The following DNTTIP1 variants were observed in gnomAD, a reference collection of about 807,000 sequenced individuals.
DNTTIP1 encodes deoxynucleotidyltransferase terminal interacting protein 1.
Under a neutral mutation model 52.9 loss-of-function variants are expected in DNTTIP1, and 22 were observed. That is an observed-to-expected ratio of 0.42 (90% CI 0.30 to 0.59). The LOEUF is 0.59. DNTTIP1 is among the 20% of genes least tolerant of loss of function. DNTTIP1 has a pLI of 0.22. For synonymous variants in DNTTIP1, 136 were observed against 155.1 expected, an observed-to-expected ratio of 0.88 and a Z score of 0.92; for missense variants, 286 against 435.5, an observed-to-expected ratio of 0.66 and a Z score of 3.06.
At chr20:45,802,184 G>C (rs1981497522) in intron 7 of DNTTIP1, 127 bp downstream of exon 7, 1 of 1,033,176 alleles carries the variant, frequency 9.7e-7, no homozygotes, top group Non-Finnish European at 1.5e-6. Flanking sequence ...ATCGTGGAGG[G>C]GGGTTATCCT....
chr20:45,802,792 T>C (rs1981517429), intron 7 of DNTTIP1, among the ~76,000 whole-genome samples: 1 of 151,986 alleles, frequency 6.6e-6, no homozygotes, highest in African/African-American at 2.4e-5. Context: ...CTCTGTGTTC[T>C]GCCTGTTCAT....
intron 4 of DNTTIP1, among the ~76,000 whole-genome samples, chr20:45,796,861 A>G (rs1293149357): frequency 6.6e-6 from 1 of 152,032 alleles, no homozygotes; most frequent in African/African-American, 2.4e-5. Flanking sequence ...ACAATGGATC[A>G]TTTCGCGTTT....
intron 8 of DNTTIP1, among the ~76,000 whole-genome samples, chr20:45,803,867 G>A (rs988255529): frequency 1.3e-5 from 2 of 152,172 alleles, no homozygotes; most frequent in Admixed American, 1.3e-4. Context: ...ATCGAGCTGA[G>A]TCTCAAACCC....
At chr20:45,811,030 A>G (rs367677522) in intron 12 of DNTTIP1, 27 bp from the exon 13 acceptor site, 134 of 1,612,986 alleles carry the variant, frequency 8.3e-5, no homozygotes, top group Non-Finnish European at 1.0e-4. Flanking sequence ...CACTTCCCCC[A>G]ACTTCTCTCT....
intron 6 of DNTTIP1, 142 bp from the exon 7 acceptor site, chr20:45,801,857 A>G: frequency 1.2e-6 from 1 of 863,840 alleles, no homozygotes; most frequent in Non-Finnish European, 2.0e-6. Context: ...CCTAGACATG[A>G]GAGGCAGTTT....
At position 45,805,174 on chromosome 20, in the gene DNTTIP1, C is replaced by G. The variant is rs994537623; in HGVS notation, c.632C>G (p.Thr211Ser). ...KWDPARLNESTTFVLGSRANK... is the reference protein window; with the variant it reads ...KWDPARLNESSTFVLGSRANK... ...GACCCAGCTCGCCTGAATGAATCTA[C>G]CACCTTTGTGTTGGGATCTCGAGCC... Residue 211 changes from threonine to serine, a missense_variant, in exon 9 of 13, where the codon ACC becomes AGC. This residue lies in a region of DNTTIP1 where 78 missense variants were observed against 169.0 expected (regional missense o/e 0.46). Transcript: ENST00000372622. 3 of 1,614,088 alleles carry G rather than the reference C, an allele frequency of 1.9e-6. No individual in the cohort carries two copies. The highest frequency in any genetic ancestry group is 2.5e-6 in the Non-Finnish European group (3 of 1,180,042).
chr20:45,803,456 A>G, intron 8 of DNTTIP1, 78 bp downstream of exon 8: 16 of 1,545,924 alleles, frequency 1.0e-5, no homozygotes, highest in Non-Finnish European at 1.4e-5. Flanking sequence ...CATGAGGGAA[A>G]GGGGCAGGGG....
chr20:45,810,623 A>G (rs1457993809), intron 11 of DNTTIP1, among the ~76,000 whole-genome samples: 9 of 145,614 alleles, frequency 6.2e-5, no homozygotes, highest in African/African-American at 2.3e-4. Flanking sequence ...CAAGAGAGAA[A>G]TGGGTCCTTT....
chr20:45,810,829 C>T, intron 11 of DNTTIP1, 56 bp from the exon 12 acceptor site: 2 of 1,516,148 alleles, frequency 1.3e-6, no homozygotes, highest in Non-Finnish European at 9.2e-7. Context: ...TGAAGTGTTA[C>T]TGAGTTGGAG....
intron 6 of DNTTIP1, 151 bp from the exon 7 acceptor site, chr20:45,801,848 C>A: frequency 1.2e-6 from 1 of 827,498 alleles, no homozygotes; most frequent in Non-Finnish European, 2.1e-6. Flanking sequence ...TTGAGCCTTC[C>A]TAGACATGAG....
At chr20:45,800,717 ATATATATATATATATATATATATATAT>A (rs1981431134) in intron 4 of DNTTIP1, among the ~76,000 whole-genome samples, 2 of 10,446 alleles carry the variant, frequency 1.9e-4, no homozygotes, top group Non-Finnish European at 4.5e-4. Context: ...ATATATATAT[ATATATATATATATATATATATATATAT>A]ATATATATAT....
intron 5 of DNTTIP1, 31 bp downstream of exon 5, chr20:45,801,173 G>A (rs780494644): frequency 6.9e-6 from 11 of 1,605,742 alleles, no homozygotes; most frequent in African/African-American, 4.0e-5. Context: ...GGGTATTGGA[G>A]CGGGAGGTCC....
intron 4 of DNTTIP1, 68 bp from the exon 5 acceptor site, chr20:45,801,006 A>AAT: frequency 7.7e-7 from 1 of 1,298,780 alleles, no homozygotes; most frequent in Non-Finnish European, 1.1e-6. Context: ...AAAAAAAAAA[A>AAT]GGAAGTAGGT....
At chr20:45,795,044 C>T (rs2868348) in intron 3 of DNTTIP1, among the ~76,000 whole-genome samples, 8,748 of 152,038 alleles carry the variant, frequency 0.058, 633 homozygotes, top group African/African-American at 0.16. Context: ...GTGATCCGCC[C>T]ACCTCGGCCT....
intron 4 of DNTTIP1, 74 bp from the exon 5 acceptor site, chr20:45,800,987 CTGTCTCCAAAAAA>C: frequency 7.1e-6 from 8 of 1,134,022 alleles, no homozygotes; most frequent in Non-Finnish European, 9.2e-6. Context: ...GAGCAAGACT[CTGTCTCCAAAAAA>C]AAAAAAGGAA....
chr20:45,799,098 A>AC (rs1334787642), intron 4 of DNTTIP1, among the ~76,000 whole-genome samples: 3 of 152,250 alleles, frequency 2.0e-5, no homozygotes, highest in Non-Finnish European at 4.4e-5. Context: ...CATGGGGCAG[A>AC]CTATTTGGTA....
intron 10 of DNTTIP1, among the ~76,000 whole-genome samples, chr20:45,806,488 C>A (rs117236637): frequency 4.6e-4 from 70 of 152,346 alleles, no homozygotes; most frequent in African/African-American, 1.6e-3. Context: ...TAAACTCACT[C>A]ACCCTCTTAG....
intron 4 of DNTTIP1, 56 bp downstream of exon 4, chr20:45,795,499 A>T: frequency 8.8e-7 from 1 of 1,140,730 alleles, no homozygotes; most frequent in South Asian, 1.3e-5. Flanking sequence ...CGAGCCTCTG[A>T]TAAGAAATGC....
intron 1 of DNTTIP1, 49 bp downstream of exon 1, chr20:45,792,158 G>A: frequency 9.0e-7 from 1 of 1,114,422 alleles, no homozygotes; most frequent in South Asian, 4.1e-5. Context: ...CACGGCCTCG[G>A]GGCTCCTGGG....
Sources: allele counts gnomAD v4.1 joint callset (sites outside exome capture counted in the v4.1 genomes callset), GRCh38; gene constraint gnomAD v4.1.1; regional missense constraint gnomAD v4.1.1; transcripts MANE v1.5; gene names NCBI Gene and HGNC (gene_info 2026-07-23, HGNC 2026-07-21).